SGCD: variants seen among roughly 807,000 people sequenced by gnomAD.
The protein encoded by SGCD is sarcoglycan delta, also known as delta-sarcoglycan.
SGCD carries 18 observed loss-of-function variants against 36.6 expected under a neutral mutation model. The observed-to-expected ratio is 0.49, with a 90% CI of 0.34 to 0.73. The LOEUF is 0.73. SGCD is among the 30% of genes least tolerant of loss of function. The pLI is 0.01. For synonymous variants in SGCD, 133 were observed against 130.6 expected, an observed-to-expected ratio of 1.02 and a Z score of -0.12; for missense variants, 387 against 346.7, an observed-to-expected ratio of 1.12 and a Z score of -0.92.
rs17053715 is a variant in SGCD, at chr5:156,645,274, A to C, written c.503-2190A>C. On this transcript the variant is annotated intron_variant, in intron 6 of 8. Transcript: ENST00000337851. ...TTAATAGAAACCTTTTTGAAATAAT[A>C]AAATTGAGAATAATTCATTATCTGA... is the stretch of plus-strand genomic sequence containing the variant. Among the ~76,000 whole-genome samples, 739 of 152,300 alleles carry C rather than the reference A, an allele frequency of 4.9e-3. 5 individuals carry two copies. Among genetic ancestry groups the C allele is most frequent in the Admixed American group, 8.2e-3 (126 of 15,292 alleles).
chr5:156,080,954 T>C (rs1262288307), intron 1 of SGCD, among the ~76,000 whole-genome samples: 1 of 152,248 alleles, frequency 6.6e-6, no homozygotes, highest in Admixed American at 6.5e-5. Flanking sequence ...ATACTCCTGG[T>C]ACCAATTTTA....
At chr5:155,789,367 C>T in the SGCD span, among the ~76,000 whole-genome samples, 2 of 152,044 alleles carry the variant, frequency 1.3e-5, no homozygotes, top group Non-Finnish European at 2.9e-5. Flanking sequence ...AGGCTTTTCT[C>T]TCTCACATCC....
intron 4 of SGCD, 67 bp from the exon 5 acceptor site, chr5:156,589,164 G>C (rs767451708): frequency 1.8e-5 from 21 of 1,188,218 alleles, no homozygotes; most frequent in Non-Finnish European, 2.3e-5. Context: ...TTGGAGAGTT[G>C]TAATGACAGT....
At chr5:156,616,054 G>T (rs1231346524) in intron 6 of SGCD, among the ~76,000 whole-genome samples, 1 of 152,192 alleles carries the variant, frequency 6.6e-6, no homozygotes, top group African/African-American at 2.4e-5. Flanking sequence ...CCCAAGAGTA[G>T]TTGGCTGCAG....
chr5:156,086,449 T>C (rs938595337), intron 1 of SGCD, among the ~76,000 whole-genome samples: 1 of 152,222 alleles, frequency 6.6e-6, no homozygotes, highest in African/African-American at 2.4e-5. Context: ...ATTTCAAATG[T>C]TGGACAAAAT....
intron 3 of SGCD, among the ~76,000 whole-genome samples, chr5:156,403,571 G>A (rs193187854): frequency 6.6e-6 from 1 of 152,208 alleles, no homozygotes; most frequent in Admixed American, 6.5e-5. Context: ...AGATTTTGCC[G>A]GACGTTCACT....
rs570020563 is a variant in SGCD, at chr5:156,427,386, T to C, written c.193-81215T>C. ...ACAGTGCTATTGATGCATATGTTGA[T>C]TTAGTATGCTGAGATTTTGCTGAAT... On this transcript the variant is annotated intron_variant, in intron 3 of 8. Coordinates refer to ENST00000337851, the MANE Select transcript of SGCD (RefSeq NM_000337.6). Among the ~76,000 whole-genome samples the C allele has an allele frequency of 3.9e-5, 6 of 152,274 alleles. No homozygotes were observed. The South Asian group carries it at 8.3e-4, about 21-fold the overall frequency.
At chr5:156,714,846 C>T (rs1755150038) in intron 7 of SGCD, among the ~76,000 whole-genome samples, 1 of 152,108 alleles carries the variant, frequency 6.6e-6, no homozygotes, top group African/African-American at 2.4e-5. Context: ...TTTTAATATG[C>T]ATCCTTTCAG....
the SGCD span, among the ~76,000 whole-genome samples, chr5:155,830,937 T>C: frequency 6.6e-6 from 1 of 152,242 alleles, no homozygotes; most frequent in Non-Finnish European, 1.5e-5. Context: ...TTATTTGATA[T>C]GCACCAGGCA....
chr5:156,449,852 C>T (rs1306035240), intron 3 of SGCD, among the ~76,000 whole-genome samples: 1 of 67,834 alleles, frequency 1.5e-5, no homozygotes, highest in Non-Finnish European at 3.0e-5. Flanking sequence ...AACTCCATCT[C>T]AAAAAAAAAA....
chr5:156,405,178 G>A (rs1397772790), intron 3 of SGCD, among the ~76,000 whole-genome samples: 1 of 152,172 alleles, frequency 6.6e-6, no homozygotes, highest in African/African-American at 2.4e-5. Flanking sequence ...CAACTAACAA[G>A]AGAGAAAGAG....
chr5:156,680,992 G>A (rs989167225), intron 7 of SGCD, among the ~76,000 whole-genome samples: 1 of 152,072 alleles, frequency 6.6e-6, no homozygotes, highest in South Asian at 2.1e-4. Context: ...GGAACCAGCC[G>A]GTCGCTCCTC....
chr5:156,426,267 T>G (rs943545368), intron 3 of SGCD, among the ~76,000 whole-genome samples: 2 of 152,024 alleles, frequency 1.3e-5, no homozygotes, highest in African/African-American at 4.8e-5. Flanking sequence ...CTTACTCCTC[T>G]AAGCTGGAGG....
intron 1 of SGCD, among the ~76,000 whole-genome samples, chr5:155,932,094 G>T (rs551226359): frequency 6.6e-6 from 1 of 152,092 alleles, no homozygotes; most frequent in Non-Finnish European, 1.5e-5. Context: ...CACCTTGGGG[G>T]TTAAGATTTC....
intron 3 of SGCD, among the ~76,000 whole-genome samples, chr5:156,431,064 T>TG (rs1450829604): frequency 6.6e-6 from 1 of 152,228 alleles, no homozygotes; most frequent in African/African-American, 2.4e-5. Context: ...TGAGGGTAGC[T>TG]GGGGGAGCTC....
chr5:155,856,426 A>C, the SGCD span, among the ~76,000 whole-genome samples: 1 of 152,116 alleles, frequency 6.6e-6, no homozygotes, highest in African/African-American at 2.4e-5. Context: ...CTGCCTAAAA[A>C]CTCTAAAGAC....
intron 3 of SGCD, among the ~76,000 whole-genome samples, chr5:156,255,015 T>C (rs575112595): frequency 1.6e-4 from 25 of 152,298 alleles, no homozygotes; most frequent in Middle Eastern, 6.8e-3. Flanking sequence ...GTGTAAGTAC[T>C]TAATACAAAC....
chr5:156,038,638 T>G (rs1288850730), intron 1 of SGCD, among the ~76,000 whole-genome samples: 2 of 151,988 alleles, frequency 1.3e-5, no homozygotes, highest in African/African-American at 4.8e-5. Context: ...TGACCAAAGC[T>G]TTCTCTTTAC....
At chr5:156,015,722 A>G (rs947616142) in intron 1 of SGCD, among the ~76,000 whole-genome samples, 6 of 151,456 alleles carry the variant, frequency 4.0e-5, no homozygotes, top group South Asian at 4.1e-4. Context: ...GACGTGTATA[A>G]TATGTATATA....
Sources: allele counts gnomAD v4.1 joint callset (sites outside exome capture counted in the v4.1 genomes callset), GRCh38; gene constraint gnomAD v4.1.1; transcripts MANE v1.5; gene names NCBI Gene and HGNC (gene_info 2026-07-23, HGNC 2026-07-21).